Variants in NEK5 observed in about 807,000 individuals in gnomAD.
NEK5 encodes serine/threonine-protein kinase Nek5.
NEK5 carries 88 observed loss-of-function variants against 109.2 expected under a neutral mutation model. The observed-to-expected ratio is 0.81, with a 90% CI of 0.68 to 0.96. The LOEUF is 0.96. Among genes scored for constraint, NEK5 ranks in the 40% least tolerant of loss-of-function variants. NEK5 has a pLI of 0.00. For missense variants in NEK5, 834 were observed against 920.7 expected (o/e 0.91, Z 1.22); for synonymous variants, 283 against 299.9 (o/e 0.94, Z 0.58).
intron 3 of NEK5, among the ~76,000 whole-genome samples, chr13:52,120,700 CAGG>C (rs1955950592): frequency 6.6e-6 from 1 of 152,010 alleles, no homozygotes; most frequent in African/African-American, 2.4e-5. Context: ...CACTTGAGGC[CAGG>C]AGTTCAAGAC....
intron 22 of NEK5, among the ~76,000 whole-genome samples, chr13:52,050,649 A>G (rs1593918153): frequency 6.7e-6 from 1 of 150,010 alleles, no homozygotes; most frequent in African/African-American, 2.4e-5. Flanking sequence ...TTTACTTAAA[A>G]TGTGCTTTTT....
rs1421956396 is a variant in NEK5, at chr13:52,084,758, AGAGAGTGTGTGTGTGTGTGTGTGT to A, written c.1480-1430_1480-1407del. Among the ~76,000 whole-genome samples, 163 of 45,146 alleles carry A rather than the reference AGAGAGTGTGTGTGTGTGTGTGTGT, an allele frequency of 3.6e-3. 1 individual carries two copies. The highest frequency in any genetic ancestry group is 7.9e-3 in the African/African-American group (149 of 18,764). The allele number at this position is 45,146 out of a possible 152,430, so 29.6% of individuals were successfully genotyped here. On this transcript the variant is annotated intron_variant, in intron 16 of 23. Transcript: ENST00000684899. ...GTGAGAGAGAGAGAGAGAGAGAGAG[AGAGAGTGTGTGTGTGTGTGTGTGT>A]GTGTGTGTGTGTGTGTGTGTGTGTG...
rs565071956 is a variant in NEK5 at position 52,127,252 on chromosome 13, C to A, written c.117+114G>T. The A allele has an allele frequency of 1.2e-5, 8 of 640,544 alleles. No individual in the cohort carries two copies. In the Admixed American group the frequency reaches 2.1e-4, roughly 17 times the overall value. The allele number at this position is 640,544 out of a possible 1,614,324, so 39.7% of individuals were successfully genotyped here. A position where few individuals can be genotyped will look rare whatever the true frequency, so the allele number is the denominator to read the frequency against. On this transcript the variant is annotated intron_variant, in intron 3 of 23. Coordinates refer to ENST00000684899, the MANE Select transcript of NEK5 (RefSeq NM_001365552.1). ...CTTAGGAGGTTGAATTAACAAAAATCAATTATGGCTTAAAATTCGAAATTA... is the reference window on the plus strand; with the variant it reads ...CTTAGGAGGTTGAATTAACAAAAATAAATTATGGCTTAAAATTCGAAATTA...
chr13:52,111,331 G>A (rs965586852), intron 5 of NEK5, among the ~76,000 whole-genome samples: 2 of 152,030 alleles, frequency 1.3e-5, no homozygotes. Context: ...AAAAAGAAAT[G>A]TAACTCAAAA....
At chr13:52,105,434 G>A (rs992733738) in intron 8 of NEK5, among the ~76,000 whole-genome samples, 1 of 151,732 alleles carries the variant, frequency 6.6e-6, no homozygotes, top group African/African-American at 2.4e-5. Flanking sequence ...GCTCAGGCTG[G>A]TCTCAAACTC....
intron 20 of NEK5, among the ~76,000 whole-genome samples, chr13:52,067,126 A>G (rs1954704125): frequency 6.6e-6 from 1 of 152,152 alleles, no homozygotes. Context: ...TTTCTGTAAT[A>G]TATTTTGACA....
chr13:52,049,029 T>C (rs1389442542), intron 23 of NEK5, among the ~76,000 whole-genome samples: 3 of 152,222 alleles, frequency 2.0e-5, no homozygotes, highest in Non-Finnish European at 4.4e-5. Context: ...ATACATATAT[T>C]TATTAGCTTG....
At chr13:52,061,720 C>T (rs1406049162) in intron 22 of NEK5, 99 bp downstream of exon 22, 2 of 359,902 alleles carry the variant, frequency 5.6e-6, no homozygotes, top group African/African-American at 4.4e-5. Flanking sequence ...TCCCAATTCT[C>T]TCTCCCAGCT....
At chr13:52,102,561 C>T (rs894521611) in intron 9 of NEK5, among the ~76,000 whole-genome samples, 6 of 152,090 alleles carry the variant, frequency 3.9e-5, no homozygotes, top group African/African-American at 1.4e-4. Context: ...GGCTTGGTGG[C>T]ATGAGCCTGT....
intron 23 of NEK5, among the ~76,000 whole-genome samples, chr13:52,046,195 G>T (rs1954457684): frequency 6.6e-6 from 1 of 151,518 alleles, no homozygotes; most frequent in South Asian, 2.1e-4. Context: ...TCCTGGGATT[G>T]ACAAGGTACA....
intron 21 of NEK5, among the ~76,000 whole-genome samples, chr13:52,064,183 G>A (rs1954646035): frequency 1.4e-5 from 2 of 142,720 alleles, no homozygotes; most frequent in South Asian, 4.4e-4. Context: ...AGGTGGGGGG[G>A]TCAGCCCCCC....
At chr13:52,127,852 C>A (rs960051829) in intron 1 of NEK5, among the ~76,000 whole-genome samples, 190 bp from the exon 2 acceptor site, 3 of 152,154 alleles carry the variant, frequency 2.0e-5, no homozygotes, top group African/African-American at 7.2e-5. Context: ...GTGTTTCGCA[C>A]CTTTATAAAG....
chr13:52,054,686 C>G (rs1028818547), intron 22 of NEK5, among the ~76,000 whole-genome samples: 1 of 152,222 alleles, frequency 6.6e-6, no homozygotes, highest in African/African-American at 2.4e-5. Flanking sequence ...CCAGCAGGGG[C>G]AGACTGACAC....
At chr13:52,055,641 A>G (rs1954547815) in intron 22 of NEK5, among the ~76,000 whole-genome samples, 1 of 152,192 alleles carries the variant, frequency 6.6e-6, no homozygotes, top group African/African-American at 2.4e-5. Flanking sequence ...GGGGGCCAAT[A>G]TTCAACATTC....
chr13:52,051,850 A>C (rs550315528), intron 22 of NEK5, among the ~76,000 whole-genome samples: 1 of 152,318 alleles, frequency 6.6e-6, no homozygotes, highest in African/African-American at 2.4e-5. Flanking sequence ...ACCCTAAAAC[A>C]ATTCTGTTGA....
At chr13:52,061,355 G>A (rs994754216) in intron 22 of NEK5, among the ~76,000 whole-genome samples, 1 of 152,148 alleles carries the variant, frequency 6.6e-6, no homozygotes, top group African/African-American at 2.4e-5. Flanking sequence ...GCCACAGACT[G>A]GTACTGGTCT....
In NEK5 at chr13:52,093,169, G is replaced by C. The variant is rs750687870; in HGVS notation, c.1093C>G (p.Leu365Val). The change falls in exon 13 of 24, where the codon CTT (leucine) becomes GTT (valine). Residue 365 changes from leucine to valine, a missense_variant. Physicochemically the swap from Leu to Val is conservative, Grantham distance 32. Transcript: ENST00000684899. Reference sequence around the variant, plus strand: ...TGGGCTCTCCTCCTCAGCATATCAAGTTGAGCATAATAATAATCATAATGT... The same window carrying C: ...TGGGCTCTCCTCCTCAGCATATCAACTTGAGCATAATAATAATCATAATGT... Reference protein sequence around the residue: ...CGHYDYYYAQLDMLRRRAHKP... With the variant: ...CGHYDYYYAQVDMLRRRAHKP... 1 of 1,613,490 alleles carries C rather than the reference G, an allele frequency of 6.2e-7. No individual in the cohort carries two copies. Among genetic ancestry groups the C allele is most frequent in the South Asian group, 1.1e-5 (1 of 91,044 alleles).
In NEK5 at chr13:52,076,055, T is replaced by C. The variant is rs906421282; in HGVS notation, c.1653+8A>G. 5 of 1,548,796 alleles carry C rather than the reference T, an allele frequency of 3.2e-6. No homozygotes were observed. In the African/African-American group the frequency reaches 5.5e-5, roughly 17 times the overall value. ...AATATGGAACCCAAAGACAAAAGTA[T>C]TTCTTACCTTAGCTTTATATTTCTG... is the stretch of plus-strand genomic sequence containing the variant. On this transcript the variant is annotated splice_region_variant and intron_variant, in intron 18 of 23. Coordinates refer to ENST00000684899, the MANE Select transcript of NEK5 (RefSeq NM_001365552.1).
rs374051509 is a variant in NEK5, at chr13:52,045,130, C to CTTTT, written c.2228+4970_2228+4973dup. ...AGCATTTCAAATTAGAATAAAAAAT[C>CTTTT]TTTTTTTTTTTTTTTTTTTGAGACG... On this transcript the variant is annotated intron_variant, in intron 23 of 23. Coordinates refer to ENST00000684899, the MANE Select transcript of NEK5 (RefSeq NM_001365552.1). 3.5e-4 allele frequency among the ~76,000 whole-genome samples: 38 copies of CTTTT among 108,716 alleles called. 1 individual carries two copies. Among genetic ancestry groups the CTTTT allele is most frequent in the African/African-American group, 6.3e-4 (18 of 28,740 alleles). The allele number at this position is 108,716 out of a possible 152,430, so 71.3% of individuals were successfully genotyped here.
Sources: allele counts gnomAD v4.1 joint callset (sites outside exome capture counted in the v4.1 genomes callset), GRCh38; gene constraint gnomAD v4.1.1; transcripts MANE v1.5; gene names NCBI Gene and HGNC (gene_info 2026-07-23, HGNC 2026-07-21).